Variants in RYR2 observed in about 807,000 individuals in gnomAD.
RYR2 encodes the protein cardiac muscle ryanodine receptor-calcium release channel.
RYR2 carries 227 observed loss-of-function variants against 601.1 expected under a neutral mutation model. The observed-to-expected ratio is 0.38, with a 90% confidence interval of 0.34 to 0.42. The LOEUF (loss-of-function observed/expected upper bound fraction) is 0.42, where lower values mean the gene tolerates loss of function less well. Among genes scored for constraint, RYR2 ranks in the 10% least tolerant of loss-of-function variants. The probability of loss-of-function intolerance (pLI) is 1.00; values close to 1 mark genes in which losing one functional copy is unlikely to be tolerated. For missense variants in RYR2, 4,646 were observed against 6,156.5 expected (o/e 0.75, Z 8.21); for synonymous variants, 2,223 against 2,175.1 (o/e 1.02, Z -0.61).
At chr1:237,081,468 G>C (rs990303912) in intron 1 of RYR2, among the ~76,000 whole-genome samples, 7 of 148,498 alleles carry the variant, frequency 4.7e-5, no homozygotes, top group Non-Finnish European at 7.4e-5. Context: ...GGAGGACCCT[G>C]TCTTTCTTTA....
chr1:237,328,275 T>C (rs1038256887), intron 2 of RYR2, among the ~76,000 whole-genome samples: 5 of 152,216 alleles, frequency 3.3e-5, no homozygotes, highest in Admixed American at 6.5e-5. Context: ...ATTAACAGTT[T>C]TTTTTACATT....
chr1:237,454,593 T>C lies in RYR2; in HGVS notation c.1476+19T>C, dbSNP rs1212989412. On this transcript the variant is annotated intron_variant, in intron 15 of 104. Transcript: ENST00000366574. ...GGAAGAGGTCCGTTTCTATCAACAC[T>C]CATTTCTCTTCTGTTATTCTCTTGT... The C allele has an allele frequency of 6.2e-7, 1 of 1,608,360 alleles. No homozygotes were observed. Among genetic ancestry groups the C allele is most frequent in the Non-Finnish European group, 8.5e-7 (1 of 1,176,614 alleles).
chr1:237,397,668 G>C (rs1048420910), intron 10 of RYR2, among the ~76,000 whole-genome samples: 1 of 151,882 alleles, frequency 6.6e-6, no homozygotes, highest in Non-Finnish European at 1.5e-5. Flanking sequence ...ACCTGTAGGG[G>C]TAGGGGACTT....
chr1:237,691,103 A>C (rs1296450304), intron 63 of RYR2, among the ~76,000 whole-genome samples: 2 of 152,166 alleles, frequency 1.3e-5, no homozygotes, highest in Non-Finnish European at 2.9e-5. Flanking sequence ...CGCCCGGCCA[A>C]ATCTCTAAGT....
At chr1:237,660,319 T>G (rs1035493924) in intron 55 of RYR2, among the ~76,000 whole-genome samples, 3 of 152,158 alleles carry the variant, frequency 2.0e-5, no homozygotes, top group Non-Finnish European at 4.4e-5. Flanking sequence ...TTTTTGGTTT[T>G]TATTCCTCTC....
intron 1 of RYR2, among the ~76,000 whole-genome samples, chr1:237,248,040 A>G (rs1687036452): frequency 6.6e-6 from 1 of 152,096 alleles, no homozygotes; most frequent in Non-Finnish European, 1.5e-5. Context: ...TTGGGAGGCC[A>G]AGGTGGGCAG....
intron 13 of RYR2, among the ~76,000 whole-genome samples, chr1:237,444,835 C>T (rs1302086207): frequency 1.3e-5 from 2 of 152,130 alleles, no homozygotes; most frequent in Non-Finnish European, 2.9e-5. Flanking sequence ...TATATGTATA[C>T]ATTTTTATCA....
chr1:237,336,296 C>G (rs1017604450), intron 3 of RYR2, among the ~76,000 whole-genome samples: 1 of 151,960 alleles, frequency 6.6e-6, no homozygotes, highest in Non-Finnish European at 1.5e-5. Flanking sequence ...TAGGCAATTC[C>G]TTAAAATTTT....
intron 1 of RYR2, among the ~76,000 whole-genome samples, chr1:237,132,476 G>A (rs772526509): frequency 6.6e-6 from 1 of 152,208 alleles, no homozygotes; most frequent in Non-Finnish European, 1.5e-5. Flanking sequence ...ACATTTCATT[G>A]TGGGCTAATT....
intron 64 of RYR2, among the ~76,000 whole-genome samples, chr1:237,699,254 C>A (rs1411487067): frequency 1.3e-5 from 2 of 151,944 alleles, no homozygotes; most frequent in Non-Finnish European, 2.9e-5. Context: ...GCAGCTAGGA[C>A]CATAAAGGAG....
Position 237,599,884 on chromosome 1 carries a change from A to G in RYR2, c.4597-2141A>G, listed in dbSNP as rs1292317920. Among the ~76,000 whole-genome samples the G allele has an allele frequency of 3.3e-5, 5 of 151,936 alleles. No homozygotes were observed. In the East Asian group the frequency reaches 5.8e-4, roughly 18 times the overall value. On this transcript the variant is annotated intron_variant, in intron 34 of 104. Transcript: ENST00000366574. The stretch of plus-strand genomic sequence containing the variant: ...GGAGGTGTAAGATCTCTACACTGCA[A>G]TCTATAAAACATTGGTGAAATAAAT...
intron 1 of RYR2, among the ~76,000 whole-genome samples, chr1:237,103,974 C>T (rs762387441): frequency 1.1e-4 from 16 of 152,088 alleles, no homozygotes; most frequent in Non-Finnish European, 2.1e-4. Flanking sequence ...TCTCTGTGGT[C>T]ACCATGCCTT....
At chr1:237,416,740 A>C (rs1705026560) in intron 10 of RYR2, among the ~76,000 whole-genome samples, 1 of 120,962 alleles carries the variant, frequency 8.3e-6, no homozygotes, top group South Asian at 3.4e-4. Flanking sequence ...GGAGGGAGGG[A>C]TGGGAAGAAA....
chr1:237,778,071 A>G (rs907248420), intron 87 of RYR2, among the ~76,000 whole-genome samples: 4 of 152,188 alleles, frequency 2.6e-5, no homozygotes, highest in Non-Finnish European at 5.9e-5. Flanking sequence ...ATGACTCCCA[A>G]TTAGTTATTT....
chr1:237,651,642 T>C (rs957523156), intron 51 of RYR2, 141 bp downstream of exon 51: 8 of 591,790 alleles, frequency 1.4e-5, no homozygotes, highest in Non-Finnish European at 2.1e-5. Context: ...ATAGAAGTTA[T>C]AGGAATGTAT....
chr1:237,385,750 T>A (rs185343707), intron 8 of RYR2, among the ~76,000 whole-genome samples: 131 of 152,356 alleles, frequency 8.6e-4, no homozygotes, highest in African/African-American at 2.9e-3. Flanking sequence ...CAGCTTAAAA[T>A]GTGTGTTTTT....
At chr1:237,158,359 G>C (rs1248551227) in intron 1 of RYR2, among the ~76,000 whole-genome samples, 1 of 152,142 alleles carries the variant, frequency 6.6e-6, no homozygotes, top group African/African-American at 2.4e-5. Flanking sequence ...TGAAGAGAGA[G>C]AACAAGATAA....
intron 14 of RYR2, among the ~76,000 whole-genome samples, chr1:237,453,144 T>G (rs1020124224): frequency 1.7e-4 from 26 of 152,084 alleles, no homozygotes; most frequent in African/African-American, 5.6e-4. Context: ...TCACTGCATG[T>G]GAATTAAATG....
rs752047248 is a variant in RYR2 at position 237,638,537 on chromosome 1, G to A, written c.6928+45G>A. 10 of 1,591,682 alleles carry A rather than the reference G, an allele frequency of 6.3e-6. No homozygotes were observed. The African/African-American group carries it at 1.1e-4, about 17-fold the overall frequency. On this transcript the variant is annotated intron_variant, in intron 45 of 104. Transcript: ENST00000366574. ...GGTCTTTTGAGTTATCATTAAAACT[G>A]CATAGAGATATAATAAGGATTCATC...
Sources: gnomAD v4.1 joint callset for allele counts (sites outside exome capture counted in the v4.1 genomes callset) on GRCh38, gnomAD v4.1.1 for gene constraint, MANE v1.5 for transcripts, NCBI Gene and HGNC (gene_info 2026-07-23, HGNC 2026-07-21) for gene names.